The following TMF1 variants were observed in gnomAD, a reference collection of about 807,000 sequenced individuals.
TMF1 encodes the protein TATA element modulatory factor.
In TMF1, 71 loss-of-function variants were observed where a neutral mutation model predicts 126.5. That is an observed-to-expected ratio of 0.56 (90% CI 0.46 to 0.68). The LOEUF (loss-of-function observed/expected upper bound fraction) is 0.68. Ranked by LOEUF, TMF1 falls within the 30% of genes least tolerant of loss-of-function variation. The probability of loss-of-function intolerance (pLI) is 0.00; values close to 1 mark genes in which losing one functional copy is unlikely to be tolerated. For synonymous variants in TMF1, 461 were observed against 430.5 expected (o/e 1.07, Z -0.88); for missense variants, 1,259 against 1,253.2 (o/e 1.00, Z -0.07).
chr3:69,027,227 C>A (rs1230203375), intron 13 of TMF1, among the ~76,000 whole-genome samples: 1 of 152,084 alleles, frequency 6.6e-6, no homozygotes, highest in Non-Finnish European at 1.5e-5. Flanking sequence ...AACTCTTAGC[C>A]TCAAGTGATC....
intron 14 of TMF1, 50 bp from the exon 15 acceptor site, chr3:69,025,762 C>G: frequency 9.0e-6 from 14 of 1,563,054 alleles, no homozygotes; most frequent in Non-Finnish European, 1.2e-5. Flanking sequence ...CATAGCTTGT[C>G]TTCCATTACC....
chr3:69,035,121 G>A lies in TMF1; in HGVS notation c.2152-6C>T. 4 of 1,612,030 alleles carry A rather than the reference G, an allele frequency of 2.5e-6. No individual in the cohort carries two copies. The highest frequency in any genetic ancestry group is 3.4e-6 in the Non-Finnish European group (4 of 1,178,404). ...GCAAGCCTAAGGTCCCCCACCTGTA[G>A]GAGGAGAAACAATACATTCACAAAC... is the stretch of plus-strand genomic sequence containing the variant. On this transcript the variant is annotated splice_region_variant and splice_polypyrimidine_tract_variant and intron_variant, in intron 8 of 16. Coordinates refer to ENST00000398559, the MANE Select transcript of TMF1 (RefSeq NM_007114.3).
intron 13 of TMF1, 63 bp downstream of exon 13, chr3:69,027,837 A>T (rs1237601739): frequency 2.4e-6 from 2 of 819,698 alleles, no homozygotes; most frequent in Non-Finnish European, 3.9e-6. Context: ...TTAAAAAGCA[A>T]TGATTAATCA....
Position 69,042,866 on chromosome 3 carries a change from C to T in TMF1, c.1625G>A (p.Ser542Asn). The change falls in exon 5 of 17, where the codon AGT becomes AAT. Residue 542 changes from serine to asparagine, a missense_variant. Coordinates refer to ENST00000398559, the MANE Select transcript of TMF1 (RefSeq NM_007114.3). ...CTCTTTCAAAAGGTCTGCAGTTTCA[C>T]TACTATTTAATCTAGTGGCAAGTTC... ...KEELATRLNS[S>N]ETADLLKEKD... The T allele has an allele frequency of 6.2e-7, 1 of 1,613,696 alleles. No homozygotes were observed. Among genetic ancestry groups the T allele is most frequent in the African/African-American group, 1.3e-5 (1 of 75,042 alleles).
At position 69,038,621 on chromosome 3, in the gene TMF1, T is replaced by G; in HGVS notation, c.2094A>C (p.Ala698=). The G allele has an allele frequency of 6.2e-7, 1 of 1,614,234 alleles. No homozygotes were observed. Among genetic ancestry groups the G allele is most frequent in the East Asian group, 2.2e-5 (1 of 44,882 alleles). ...REMKAKEELS[A]ALEKAQEEAR... Reference sequence around the variant, plus strand: ...CTTCTTCTTGGGCCTTCTCTAATGCTGCAGAAAGTTCTTCTTTAGCTTTCA... The same window carrying G: ...CTTCTTCTTGGGCCTTCTCTAATGCGGCAGAAAGTTCTTCTTTAGCTTTCA... The change falls in exon 8 of 17, where the codon GCA becomes GCC. Residue 698 remains alanine, a synonymous_variant. Coordinates refer to ENST00000398559, the MANE Select transcript of TMF1 (RefSeq NM_007114.3).
rs1430591674 is a variant in TMF1 at position 69,020,620 on chromosome 3, C to T, written c.*2557G>A. 4 of 151,952 alleles carry T rather than the reference C, an allele frequency of 2.6e-5. No homozygotes were observed. The highest frequency in any genetic ancestry group is 4.8e-5 in the African/African-American group (2 of 41,378). 9.4% of individuals were successfully genotyped at this position (151,952 alleles called of 1,614,324 possible). A position where few individuals can be genotyped will look rare whatever the true frequency, so the allele number is the denominator to read the frequency against. ...AATGACAAACAGCAAAGTATAGCAA[C>T]GAATATTCAATAGGTATTCTGCCAC... On this transcript the variant is annotated 3_prime_UTR_variant, in exon 17 of 17. Transcript: ENST00000398559.
chr3:69,047,446 C>G lies in TMF1; in HGVS notation c.1259G>C (p.Gly420Ala). Residue 420 changes from glycine (G) to alanine (A), a missense_variant, in exon 2 of 17, where the codon GGA (glycine) becomes GCA (alanine). Transcript: ENST00000398559. ...ILVSSTPINE[G>A]QTVLDKVAEQ... ...AGCCACCTTGTCTAACACAGTCTGT[C>G]CTTCATTTATTGGTGTGGAAGAAAC... 6.2e-7 allele frequency: 1 copy of G among 1,614,168 alleles called. No individual in the cohort carries two copies. The highest frequency in any genetic ancestry group is 8.5e-7 in the Non-Finnish European group (1 of 1,180,016).
chr3:69,030,077 G>T, intron 10 of TMF1, 70 bp from the exon 11 acceptor site: 2 of 1,351,336 alleles, frequency 1.5e-6, no homozygotes, highest in South Asian at 1.4e-5. Flanking sequence ...AGTCAATTCT[G>T]ATTTCAAACA....
At chr3:69,040,261 T>C (rs764115187) in intron 5 of TMF1, 1 of 152,514 alleles carries the variant, frequency 6.6e-6, no homozygotes, top group Non-Finnish European at 1.5e-5. Flanking sequence ...TGGGCAAACT[T>C]TGGATCCTGG....
intron 6 of TMF1, 97 bp downstream of exon 6, chr3:69,039,454 C>A (rs562734612): frequency 7.7e-7 from 1 of 1,297,192 alleles, no homozygotes; most frequent in East Asian, 2.4e-5. Context: ...ACATGATATA[C>A]CCCATTAAAT....
intron 15 of TMF1, 88 bp from the exon 16 acceptor site, chr3:69,024,268 G>GTT (rs201235194): frequency 6.0e-3 from 5,502 of 917,464 alleles, no homozygotes; most frequent in Non-Finnish European, 6.7e-3. Flanking sequence ...TGTGTGTGTG[G>GTT]TTTTTTTTTT....
chr3:69,033,511 G>A (rs752131340), intron 10 of TMF1, 37 bp downstream of exon 10: 33 of 1,578,910 alleles, frequency 2.1e-5, no homozygotes, highest in Non-Finnish European at 2.7e-5. Flanking sequence ...CAAGATGGAA[G>A]AGCTTCTGCA....
intron 11 of TMF1, 24 bp downstream of exon 11, chr3:69,029,791 A>C: frequency 2.5e-6 from 4 of 1,572,616 alleles, no homozygotes; most frequent in Non-Finnish European, 3.4e-6. Flanking sequence ...ACTACCAAAA[A>C]TATCACTCAG....
chr3:69,039,798 T>C, intron 5 of TMF1, 105 bp from the exon 6 acceptor site: 1 of 1,289,452 alleles, frequency 7.8e-7, no homozygotes, highest in South Asian at 1.4e-5. Flanking sequence ...TTTTTTTAAA[T>C]TACAATTTTG....
Position 69,048,262 on chromosome 3 carries a change from G to A in TMF1, c.443C>T (p.Thr148Ile), listed in dbSNP as rs778032733. 6.2e-7 allele frequency: 1 copy of A among 1,614,182 alleles called. No individual in the cohort carries two copies. ...HIGQSRTPET[T>I]ESQVKDSSLC... ...AGAAGAGTCTTTTACTTGTGATTCAGTTGTTTCAGGAGTTCTTGACTGGCC... is the reference window on the plus strand; with the variant it reads ...AGAAGAGTCTTTTACTTGTGATTCAATTGTTTCAGGAGTTCTTGACTGGCC... The change falls in exon 2 of 17, where the codon ACT (threonine) becomes ATT (isoleucine). Residue 148 changes from threonine to isoleucine, a missense_variant. Transcript: ENST00000398559.
At position 69,023,156 on chromosome 3, in the gene TMF1, T is replaced by C. The variant is rs1214111522; in HGVS notation, c.*21A>G. 1 of 1,599,156 alleles carries C rather than the reference T, an allele frequency of 6.3e-7. No individual in the cohort carries two copies. The highest frequency in any genetic ancestry group is 1.7e-5 in the Admixed American group (1 of 58,942). On this transcript the variant is annotated 3_prime_UTR_variant, in exon 17 of 17. Coordinates refer to ENST00000398559, the MANE Select transcript of TMF1 (RefSeq NM_007114.3). ...TATTAAATGCTTACATTCAGTTTGA[T>C]GGGAATTCAATTTTCACAAGTTAAC... is the stretch of plus-strand genomic sequence containing the variant.
At chr3:69,034,119 T>C (rs1161103453) in intron 9 of TMF1, among the ~76,000 whole-genome samples, 1 of 152,124 alleles carries the variant, frequency 6.6e-6, no homozygotes, top group Non-Finnish European at 1.5e-5. Flanking sequence ...AGCCCTTAAT[T>C]ATTTTTCTAA....
chr3:69,032,975 C>T (rs1208160139), intron 10 of TMF1, among the ~76,000 whole-genome samples: 2 of 152,064 alleles, frequency 1.3e-5, no homozygotes, highest in Non-Finnish European at 2.9e-5. Context: ...TCTCCTTAGA[C>T]CTATTTTCGC....
intron 15 of TMF1, 134 bp from the exon 16 acceptor site, chr3:69,024,314 G>A: frequency 2.7e-6 from 2 of 751,484 alleles, no homozygotes; most frequent in Non-Finnish European, 3.9e-6. Context: ...ATAACCTTGA[G>A]CTAGCTCTTT....
Sources: allele counts gnomAD v4.1 joint callset (sites outside exome capture counted in the v4.1 genomes callset), GRCh38; gene constraint gnomAD v4.1.1; transcripts MANE v1.5; gene names NCBI Gene and HGNC (gene_info 2026-07-23, HGNC 2026-07-21).